Variants in FGD3 observed in about 807,000 individuals in gnomAD.
FGD3 encodes FYVE, RhoGEF and PH domain-containing protein 3.
In FGD3, 45 loss-of-function variants were observed where a neutral mutation model predicts 71.8. That is an observed-to-expected ratio of 0.63 (90% CI 0.49 to 0.80). The LOEUF (loss-of-function observed/expected upper bound fraction) is 0.80, where lower values mean the gene tolerates loss of function less well. Ranked by LOEUF, FGD3 falls within the 30% of genes least tolerant of loss-of-function variation. The probability of loss-of-function intolerance (pLI) is 0.00; values close to 1 mark genes in which losing one functional copy is unlikely to be tolerated. For synonymous variants in FGD3, 378 were observed against 392.8 expected (o/e 0.96, Z 0.44); for missense variants, 844 against 951.5 (o/e 0.89, Z 1.49).
chr9:92,992,697 A>T (rs1449998029), intron 3 of FGD3, among the ~76,000 whole-genome samples: 1 of 152,116 alleles, frequency 6.6e-6, no homozygotes, highest in Non-Finnish European at 1.5e-5. Flanking sequence ...GAGGTACAGT[A>T]GCTACTGCCT....
Position 92,976,544 on chromosome 9 carries a change from G to C in FGD3, c.288G>C (p.Leu96Phe), listed in dbSNP as rs568175301. The C allele has an allele frequency of 6.2e-7, 1 of 1,612,648 alleles. No individual in the cohort carries two copies. Among genetic ancestry groups the C allele is most frequent in the African/African-American group, 1.3e-5 (1 of 75,036 alleles). ...AGAACTTTCCCTGCGAGGAGGGCTT[G>C]GAGGCTGGCCCAAGCCCCACTGTAC... ...AGENFPCEEG[L>F]EAGPSPTVLG... Residue 96 changes from leucine to phenylalanine, a missense_variant, in exon 3 of 18, where the codon TTG (leucine) becomes TTC (phenylalanine). Leu to Phe is a conservative substitution (Grantham distance 22). Coordinates refer to ENST00000375482, the MANE Select transcript of FGD3 (RefSeq NM_001083536.2).
Position 93,011,249 on chromosome 9 carries a change from T to G in FGD3, c.1012T>G (p.Ser338Ala). 1 of 1,614,048 alleles carries G rather than the reference T, an allele frequency of 6.2e-7. No homozygotes were observed. The highest frequency in any genetic ancestry group is 8.5e-7 in the Non-Finnish European group (1 of 1,179,994). ...LELISTAANH[S>A]NAAIRKVEKM... ...GCTCATCTCCACAGCCGCCAACCAC[T>G]CCAATGCTGCCATTCGGAAAGTGGT... Residue 338 changes from serine to alanine, a missense_variant, in exon 8 of 18, where the codon TCC becomes GCC. Transcript: ENST00000375482.
At chr9:93,000,740 A>G (rs917790056) in intron 3 of FGD3, among the ~76,000 whole-genome samples, 2 of 152,180 alleles carry the variant, frequency 1.3e-5, no homozygotes, top group African/African-American at 4.8e-5. Flanking sequence ...TTAGACAGTT[A>G]TATAATTATA....
intron 13 of FGD3, among the ~76,000 whole-genome samples, chr9:93,021,431 G>C (rs1314123691): frequency 1.3e-5 from 2 of 152,288 alleles, no homozygotes; most frequent in East Asian, 3.9e-4. Context: ...GTCAGGGAGA[G>C]AGGATTGGGT....
chr9:92,997,636 G>C (rs1860699137), intron 3 of FGD3, among the ~76,000 whole-genome samples: 1 of 152,112 alleles, frequency 6.6e-6, no homozygotes, highest in African/African-American at 2.4e-5. Flanking sequence ...CATATTTAGT[G>C]CTTCCTTCAG....
At chr9:92,958,681 G>A (rs1304968180) in intron 1 of FGD3, among the ~76,000 whole-genome samples, 1 of 152,164 alleles carries the variant, frequency 6.6e-6, no homozygotes, top group Non-Finnish European at 1.5e-5. Flanking sequence ...GTTTTTAGAA[G>A]CTTTACAGTT....
At chr9:92,971,642 C>A (rs1859538809) in intron 1 of FGD3, among the ~76,000 whole-genome samples, 1 of 116,312 alleles carries the variant, frequency 8.6e-6, no homozygotes, top group Non-Finnish European at 1.6e-5. Context: ...GTGGTGATAT[C>A]TCTGCTCACT....
chr9:93,003,870 A>C lies in FGD3; in HGVS notation c.544-131A>C. The C allele has an allele frequency of 9.0e-7, 1 of 1,110,326 alleles. No individual in the cohort carries two copies. Among genetic ancestry groups the C allele is most frequent in the Non-Finnish European group, 1.3e-6 (1 of 767,972 alleles). 68.8% of individuals were successfully genotyped at this position (1,110,326 alleles called of 1,614,324 possible). On this transcript the variant is annotated intron_variant, in intron 4 of 17. Coordinates refer to ENST00000375482, the MANE Select transcript of FGD3 (RefSeq NM_001083536.2). The surrounding 1 kb of genome is among the most constrained non-coding windows in gnomAD (Gnocchi z 4.1). Reference sequence around the variant, plus strand: ...ATGAAAAGGGAGGACAATAATTCTGAAATTCATTAAGAAAACACAAGGTGG... The same window carrying C: ...ATGAAAAGGGAGGACAATAATTCTGCAATTCATTAAGAAAACACAAGGTGG...
At chr9:92,968,581 T>C (rs1474122007) in intron 1 of FGD3, among the ~76,000 whole-genome samples, 2 of 151,028 alleles carry the variant, frequency 1.3e-5, no homozygotes, top group African/African-American at 4.9e-5. Context: ...CTTTAATTTT[T>C]GTTTTCTTTT....
chr9:93,035,491 T>C lies in FGD3; in HGVS notation c.2080T>C (p.Trp694Arg), dbSNP rs752856721. ...CTCCTCCGCAGAGCTGCAGCAGCAG[T>C]GGCTGGAAACCCTAAGCACTGCTGC... ...SASSAELQQQ[W>R]LETLSTAAHG... is the part of the protein sequence containing the mutation. The change falls in exon 18 of 18, where the codon TGG (tryptophan) becomes CGG (arginine). Residue 694 changes from tryptophan to arginine, a missense_variant. Coordinates refer to ENST00000375482, the MANE Select transcript of FGD3 (RefSeq NM_001083536.2). The C allele has an allele frequency of 6.2e-7, 1 of 1,613,414 alleles. No homozygotes were observed. Among genetic ancestry groups the C allele is most frequent in the Non-Finnish European group, 8.5e-7 (1 of 1,179,996 alleles).
chr9:92,969,598 A>T lies in FGD3; in HGVS notation c.-217-5640A>T, dbSNP rs1467645383. ...ACTGGGCCACTCCAGCGACAGGACA[A>T]GGGAGGTCCCTGCCTACTAGGTTCC... On this transcript the variant is annotated intron_variant, in intron 1 of 17. Transcript: ENST00000375482. The surrounding 1 kb of genome is among the most constrained non-coding windows in gnomAD (Gnocchi z 4.5). Among the ~76,000 whole-genome samples, 8 of 152,160 alleles carry T rather than the reference A, an allele frequency of 5.3e-5. No individual in the cohort carries two copies. The highest frequency in any genetic ancestry group is 3.9e-4 in the Admixed American group (6 of 15,280).
intron 7 of FGD3, among the ~76,000 whole-genome samples, chr9:93,010,702 C>T (rs1022279887): frequency 1.7e-5 from 2 of 115,910 alleles, no homozygotes; most frequent in Non-Finnish European, 3.5e-5. Context: ...GAGAGAGACA[C>T]ACAGAGACAG....
intron 15 of FGD3, among the ~76,000 whole-genome samples, chr9:93,030,265 C>T (rs1048651264): frequency 6.6e-6 from 1 of 152,332 alleles, no homozygotes; most frequent in Admixed American, 6.5e-5. Context: ...CAGAGAACCC[C>T]TAGCTGGGTG....
At chr9:92,986,665 G>T (rs1283120192) in intron 3 of FGD3, among the ~76,000 whole-genome samples, 1 of 152,252 alleles carries the variant, frequency 6.6e-6, no homozygotes, top group Admixed American at 6.5e-5. Context: ...AAGCAAGTAG[G>T]CAGGGTCCTT....
At chr9:92,989,659 T>C (rs1860325183) in intron 3 of FGD3, among the ~76,000 whole-genome samples, 1 of 152,188 alleles carries the variant, frequency 6.6e-6, no homozygotes, top group Non-Finnish European at 1.5e-5. Context: ...TTAATCCACA[T>C]GTTGCAAGAG....
intron 1 of FGD3, among the ~76,000 whole-genome samples, chr9:92,959,662 G>A (rs1053070337): frequency 7.1e-6 from 1 of 140,488 alleles, no homozygotes; most frequent in Non-Finnish European, 1.5e-5. Context: ...AGTCATGATC[G>A]GTCCAGTGCA....
At chr9:93,015,689 G>T (rs10992577) in intron 9 of FGD3, 48 bp from the exon 10 acceptor site, 64,042 of 1,511,698 alleles carry the variant, frequency 0.042, 1,968 homozygotes, top group African/African-American at 0.15. Flanking sequence ...GCCCCTGGGG[G>T]GACCTGCGGG....
intron 1 of FGD3, among the ~76,000 whole-genome samples, chr9:92,951,684 A>G (rs564043584): frequency 6.6e-6 from 1 of 152,314 alleles, no homozygotes; most frequent in African/African-American, 2.4e-5. Flanking sequence ...CAAAAAAATT[A>G]ATTAATTAAT....
At position 93,006,046 on chromosome 9, in the gene FGD3, G is replaced by A. The variant is rs771140025; in HGVS notation, c.703G>A (p.Asp235Asn). 3.6e-5 allele frequency: 58 copies of A among 1,609,440 alleles called. No homozygotes were observed. Among genetic ancestry groups the A allele is most frequent in the Non-Finnish European group, 4.7e-5 (55 of 1,178,248 alleles). The change falls in exon 6 of 18, where the codon GAC (aspartate) becomes AAC (asparagine). Residue 235 changes from aspartate (D) to asparagine (N), a missense_variant. Coordinates refer to ENST00000375482, the MANE Select transcript of FGD3 (RefSeq NM_001083536.2). ...EEWDTNPRLG[D>N]ILQKLAPFLK... ...AAGGGACACAAACCCACGGCTCGGG[G>A]ACATCCTGCAGAAGCTGGCCCCATT...
Sources: gnomAD v4.1 joint callset for allele counts (sites outside exome capture counted in the v4.1 genomes callset) on GRCh38, gnomAD v4.1.1 for gene constraint, Gnocchi (gnomAD v3.1) non-coding constraint, MANE v1.5 for transcripts, NCBI Gene and HGNC (gene_info 2026-07-23, HGNC 2026-07-21) for gene names.